ADAM12: variants seen among roughly 807,000 people sequenced by gnomAD.
ADAM12 encodes the protein disintegrin and metalloproteinase domain-containing protein 12.
ADAM12 carries 70 observed loss-of-function variants against 106.4 expected under a neutral mutation model. The observed-to-expected ratio is 0.66, with a 90% CI of 0.54 to 0.80. The LOEUF is 0.80. Ranked by LOEUF, ADAM12 falls within the 30% of genes least tolerant of loss-of-function variation. The pLI is 0.00. For synonymous variants in ADAM12, 420 were observed against 433.5 expected, an observed-to-expected ratio of 0.97 and a Z score of 0.39; for missense variants, 1,010 against 1,171.9, an observed-to-expected ratio of 0.86 and a Z score of 2.02.
chr10:126,169,306 C>T (rs1245617058), intron 3 of ADAM12, among the ~76,000 whole-genome samples: 1 of 152,192 alleles, frequency 6.6e-6, no homozygotes, highest in Non-Finnish European at 1.5e-5. Context: ...TCTCCTTGTT[C>T]GCTGCTCTCG....
intron 1 of ADAM12, among the ~76,000 whole-genome samples, chr10:126,370,385 T>C (rs535632305): frequency 1.3e-5 from 2 of 152,330 alleles, no homozygotes; most frequent in African/African-American, 2.4e-5. Flanking sequence ...AGTTATTAGG[T>C]TGAGTCCTGC....
intron 5 of ADAM12, among the ~76,000 whole-genome samples, chr10:126,132,029 G>T (rs901657913): frequency 6.6e-6 from 1 of 150,656 alleles, no homozygotes; most frequent in Non-Finnish European, 1.5e-5. Context: ...AGGTTGGAGT[G>T]CAGTGGTACA....
At chr10:126,185,827 C>T (rs1010638221) in intron 3 of ADAM12, among the ~76,000 whole-genome samples, 3 of 152,066 alleles carry the variant, frequency 2.0e-5, no homozygotes, top group Non-Finnish European at 4.4e-5. Context: ...CCATCTCAAA[C>T]GAGAGCACAT....
chr10:126,317,166 G>A (rs566434399), intron 2 of ADAM12, among the ~76,000 whole-genome samples: 6 of 152,230 alleles, frequency 3.9e-5, no homozygotes, highest in Non-Finnish European at 5.9e-5. Context: ...GCAATTGAGC[G>A]AATCCACCCA....
At chr10:126,246,880 A>AG (rs1405696497) in intron 3 of ADAM12, among the ~76,000 whole-genome samples, 1 of 152,214 alleles carries the variant, frequency 6.6e-6, no homozygotes, top group African/African-American at 2.4e-5. Flanking sequence ...AGTTCTGGGC[A>AG]GGGCAATCAG....
At chr10:126,324,415 G>C (rs1854218630) in intron 2 of ADAM12, among the ~76,000 whole-genome samples, 1 of 152,194 alleles carries the variant, frequency 6.6e-6, no homozygotes, top group South Asian at 2.1e-4. Context: ...ATGTAGGGGT[G>C]GGGGCTCTAG....
chr10:126,059,881 T>A (rs1954715378), intron 14 of ADAM12, among the ~76,000 whole-genome samples: 1 of 152,196 alleles, frequency 6.6e-6, no homozygotes, highest in African/African-American at 2.4e-5. Flanking sequence ...AACAAAAATA[T>A]CCAGCTATAT....
chr10:126,095,485 G>A (rs1378650699), intron 10 of ADAM12, among the ~76,000 whole-genome samples: 2 of 121,570 alleles, frequency 1.6e-5, no homozygotes, highest in Non-Finnish European at 3.2e-5. Flanking sequence ...AGTGAGCCAA[G>A]ATCCCACCAC....
At chr10:126,051,553 C>T (rs1316814641) in intron 14 of ADAM12, among the ~76,000 whole-genome samples, 1 of 102,966 alleles carries the variant, frequency 9.7e-6, no homozygotes, top group Non-Finnish European at 1.8e-5. Context: ...ATCCATCCAT[C>T]CATCCATCCA....
At chr10:126,116,301 C>G (rs573443286) in intron 6 of ADAM12, among the ~76,000 whole-genome samples, 1 of 152,250 alleles carries the variant, frequency 6.6e-6, no homozygotes, top group South Asian at 2.1e-4. Context: ...AGCAAAGAGC[C>G]TGGAAAACAA....
chr10:126,108,531 C>G, intron 8 of ADAM12, 62 bp downstream of exon 8: 1 of 1,474,192 alleles, frequency 6.8e-7, no homozygotes, highest in African/African-American at 1.4e-5. Flanking sequence ...GATGAGGTCC[C>G]CCAACCTCAT....
intron 16 of ADAM12, 83 bp from the exon 17 acceptor site, chr10:126,046,215 A>T (rs1306233016): frequency 7.8e-7 from 1 of 1,285,598 alleles, no homozygotes; most frequent in Non-Finnish European, 1.1e-6. Context: ...TTCAAACAAA[A>T]AGCAAGCAAA....
chr10:126,163,059 A>C (rs1182623710), intron 3 of ADAM12, among the ~76,000 whole-genome samples: 1 of 152,164 alleles, frequency 6.6e-6, no homozygotes, highest in Non-Finnish European at 1.5e-5. Flanking sequence ...CATACGAGGT[A>C]CATGTTTCCA....
chr10:126,260,516 A>G (rs146639989), intron 3 of ADAM12, among the ~76,000 whole-genome samples: 1,661 of 152,098 alleles, frequency 0.011, 17 homozygotes, highest in African/African-American at 0.028. Context: ...GAGTAAAAAC[A>G]AAAATAGGAA....
At chr10:126,213,888 C>G (rs529344437) in intron 3 of ADAM12, among the ~76,000 whole-genome samples, 2 of 152,298 alleles carry the variant, frequency 1.3e-5, no homozygotes, top group East Asian at 3.9e-4. Context: ...ATAGCAAAAG[C>G]AAATTAAAGC....
chr10:126,019,898 C>T (rs549720308), intron 21 of ADAM12, 73 bp from the exon 22 acceptor site: 49 of 1,487,046 alleles, frequency 3.3e-5, no homozygotes, highest in African/African-American at 4.2e-5. Context: ...CAGGGCCTGC[C>T]GCTTGGCACA....
chr10:126,363,639 T>G (rs986030991), intron 1 of ADAM12, among the ~76,000 whole-genome samples: 27 of 152,284 alleles, frequency 1.8e-4, no homozygotes, highest in African/African-American at 6.3e-4. Flanking sequence ...TCTGTTCTTA[T>G]GCCTCTGCCT....
At chr10:126,037,000 CAAAG>C (rs1277699224) in intron 20 of ADAM12, among the ~76,000 whole-genome samples, 1 of 152,170 alleles carries the variant, frequency 6.6e-6, no homozygotes, top group Non-Finnish European at 1.5e-5. Context: ...TCCATCACCC[CAAAG>C]AGTTTTCTTG....
At chr10:126,105,943 C>T (rs1417931168) in intron 8 of ADAM12, among the ~76,000 whole-genome samples, 6 of 152,250 alleles carry the variant, frequency 3.9e-5, no homozygotes, top group South Asian at 2.1e-4. Context: ...AGGATATCAA[C>T]GGCCATGTGG....
Sources: gnomAD v4.1 joint callset for allele counts (sites outside exome capture counted in the v4.1 genomes callset) on GRCh38, gnomAD v4.1.1 for gene constraint, MANE v1.5 for transcripts, NCBI Gene and HGNC (gene_info 2026-07-23, HGNC 2026-07-21) for gene names.